SLC25A28: variants seen among roughly 807,000 people sequenced by gnomAD.
SLC25A28 encodes the protein solute carrier family 25 member 28.
SLC25A28 carries 10 observed loss-of-function variants against 31.9 expected under a neutral mutation model. That is an observed-to-expected ratio of 0.31 (90% CI 0.19 to 0.53). The LOEUF is 0.53. Ranked by LOEUF, SLC25A28 falls within the 20% of genes least tolerant of loss-of-function variation. The probability of loss-of-function intolerance (pLI) is 0.95; values close to 1 mark genes in which losing one functional copy is unlikely to be tolerated. For missense variants in SLC25A28, 256 were observed against 490.3 expected (o/e 0.52, Z 4.51); for synonymous variants, 208 against 203.6 (o/e 1.02, Z -0.19).
At chr10:99,626,664 T>G in the SLC25A28 span, among the ~76,000 whole-genome samples, 2 of 152,230 alleles carry the variant, frequency 1.3e-5, no homozygotes, top group African/African-American at 4.8e-5. Context: ...AACAGTAGAC[T>G]TCATGTCTTT....
the SLC25A28 span, among the ~76,000 whole-genome samples, chr10:99,641,446 C>A: frequency 2.0e-5 from 3 of 151,954 alleles, no homozygotes; most frequent in East Asian, 5.8e-4. Context: ...TGTTTAAATT[C>A]TTTGTTGATT....
the SLC25A28 span, among the ~76,000 whole-genome samples, chr10:99,643,118 T>C: frequency 7.8e-4 from 119 of 152,284 alleles, no homozygotes; most frequent in Non-Finnish European, 1.4e-3. Flanking sequence ...TTTCTATTGA[T>C]TGGAATAGTT....
At chr10:99,622,429 C>T (rs756038902), upstream of SLC25A28, among the ~76,000 whole-genome samples, 2 of 152,182 alleles carry the variant, frequency 1.3e-5, no homozygotes, top group Non-Finnish European at 2.9e-5. Context: ...CTCACAAAAA[C>T]CCATTCAATC....
chr10:99,647,538 G>T, the SLC25A28 span, among the ~76,000 whole-genome samples: 1 of 152,140 alleles, frequency 6.6e-6, no homozygotes, highest in Non-Finnish European at 1.5e-5. Flanking sequence ...AGTTCTTTGA[G>T]TTCCTTGCAG....
At position 99,610,741 on chromosome 10, in the gene SLC25A28, C is replaced by T. The variant is rs1421452403; in HGVS notation, c.*108G>A. Reference sequence around the variant, plus strand: ...ACACCAAAATCCTGGGGGAGAGCCCCTCTACCTTCCTTCTAACTCCACTTG... The same window carrying T: ...ACACCAAAATCCTGGGGGAGAGCCCTTCTACCTTCCTTCTAACTCCACTTG... On this transcript the variant is annotated 3_prime_UTR_variant, in exon 4 of 4. Coordinates refer to ENST00000370495, the MANE Select transcript of SLC25A28 (RefSeq NM_031212.4). The T allele has an allele frequency of 5.0e-6, 7 of 1,412,984 alleles. No homozygotes were observed. Among genetic ancestry groups the T allele is most frequent in the Non-Finnish European group, 6.7e-6 (7 of 1,041,114 alleles). 87.5% of individuals were successfully genotyped at this position (1,412,984 alleles called of 1,614,324 possible).
chr10:99,640,967 G>T, the SLC25A28 span, among the ~76,000 whole-genome samples: 1 of 152,158 alleles, frequency 6.6e-6, no homozygotes, highest in Non-Finnish European at 1.5e-5. Context: ...GTCTATCATT[G>T]GTGGACATTT....
intron 3 of SLC25A28, among the ~76,000 whole-genome samples, chr10:99,612,316 T>C (rs1012110415): frequency 1.3e-5 from 2 of 152,200 alleles, no homozygotes; most frequent in African/African-American, 4.8e-5. Context: ...ACAGGCCACA[T>C]GGAGACATCT....
At chr10:99,654,970 G>A in the SLC25A28 span, among the ~76,000 whole-genome samples, 6 of 152,090 alleles carry the variant, frequency 3.9e-5, no homozygotes, top group African/African-American at 1.4e-4. Context: ...TTTTTAACTC[G>A]CCCTGCTGAC....
chr10:99,623,368 C>T (rs761992927), upstream of SLC25A28, among the ~76,000 whole-genome samples: 41 of 152,214 alleles, frequency 2.7e-4, no homozygotes, highest in Admixed American at 1.6e-3. Flanking sequence ...CCCACCCCAA[C>T]CCATTCCTCC....
intron 1 of SLC25A28, chr10:99,617,335 T>A: frequency 1.0e-6 from 1 of 985,426 alleles, no homozygotes; most frequent in Non-Finnish European, 1.2e-6. Flanking sequence ...CTTCTCATGG[T>A]CCCTCTCAAG....
At chr10:99,629,669 C>T in the SLC25A28 span, among the ~76,000 whole-genome samples, 2 of 152,142 alleles carry the variant, frequency 1.3e-5, no homozygotes, top group African/African-American at 4.8e-5. Context: ...ACATATTATT[C>T]CACTTATATG....
the SLC25A28 span, among the ~76,000 whole-genome samples, chr10:99,634,724 G>A: frequency 1.3e-5 from 2 of 152,216 alleles, no homozygotes; most frequent in Non-Finnish European, 2.9e-5. Context: ...CATATTTGGG[G>A]AAATGATTGA....
intron 1 of SLC25A28, chr10:99,617,644 C>T: frequency 1.0e-6 from 1 of 985,426 alleles, no homozygotes; most frequent in Non-Finnish European, 1.2e-6. Flanking sequence ...GACACTAAAT[C>T]ATACTGGCCT....
chr10:99,627,808 A>G, the SLC25A28 span, among the ~76,000 whole-genome samples: 1 of 152,144 alleles, frequency 6.6e-6, no homozygotes, highest in Non-Finnish European at 1.5e-5. Flanking sequence ...TTTTGCTATC[A>G]AACAGTAGGT....
chr10:99,619,927 G>T, intron 1 of SLC25A28, 118 bp downstream of exon 1: 2 of 1,060,764 alleles, frequency 1.9e-6, no homozygotes, highest in Non-Finnish European at 2.5e-6. Context: ...TGTGGTAGTG[G>T]CAGGAGCCAG....
the SLC25A28 span, among the ~76,000 whole-genome samples, chr10:99,635,775 A>C: frequency 2.0e-5 from 3 of 152,232 alleles, no homozygotes; most frequent in Admixed American, 6.5e-5. Flanking sequence ...GGGGTGGAAA[A>C]AGGCATTTCA....
intron 1 of SLC25A28, chr10:99,615,361 A>C (rs2034624367): frequency 1.2e-6 from 1 of 819,226 alleles, no homozygotes; most frequent in African/African-American, 1.9e-5. Context: ...CATCTCAAAA[A>C]AAAAAAAAAA....
rs962077554 is a variant in SLC25A28, at chr10:99,617,892, G to A, written c.291+2153C>T. The A allele has an allele frequency of 5.0e-6, 3 of 601,084 alleles. No individual in the cohort carries two copies. The African/African-American group carries it at 6.0e-5, about 12-fold the overall frequency. 37.2% of individuals were successfully genotyped at this position (601,084 alleles called of 1,614,324 possible). ...AACTGTTCTTCAAAATAGTTACCTT[G>A]GAAGGCTACAATTGACTTATTCCAG... On this transcript the variant is annotated intron_variant, in intron 1 of 3. Transcript: ENST00000370495.
upstream of SLC25A28, among the ~76,000 whole-genome samples, chr10:99,625,238 T>G (rs2034863297): frequency 6.6e-6 from 1 of 151,776 alleles, no homozygotes; most frequent in Non-Finnish European, 1.5e-5. Flanking sequence ...GAACAAAGCT[T>G]CCACAGCATG....
Sources: allele counts gnomAD v4.1 joint callset (sites outside exome capture counted in the v4.1 genomes callset), GRCh38; gene constraint gnomAD v4.1.1; transcripts MANE v1.5; gene names NCBI Gene and HGNC (gene_info 2026-07-23, HGNC 2026-07-21).